Variants in LINGO2 observed in about 807,000 individuals in gnomAD.
The protein encoded by LINGO2 is leucine rich repeat and Ig domain containing 2, also known as leucine-rich repeat and immunoglobulin-like domain-containing nogo receptor-interacting protein 2.
LINGO2 carries 14 observed loss-of-function variants against 30.6 expected under a neutral mutation model. That is an observed-to-expected ratio of 0.46 (90% confidence interval 0.30 to 0.72). The LOEUF is 0.72. Among genes scored for constraint, LINGO2 ranks in the 30% least tolerant of loss-of-function variants. The pLI is 0.07. For missense variants in LINGO2, 729 were observed against 751.7 expected (o/e 0.97, Z 0.35); for synonymous variants, 317 against 288.5 (o/e 1.10, Z -1.00).
chr9:29,147,698 G>C, the LINGO2 span, among the ~76,000 whole-genome samples: 1 of 151,848 alleles, frequency 6.6e-6, no homozygotes, highest in Admixed American at 6.5e-5. Context: ...TTGATATTTA[G>C]AATATTAAAA....
chr9:29,159,036 G>C, the LINGO2 span, among the ~76,000 whole-genome samples: 6,479 of 152,090 alleles, frequency 0.043, 205 homozygotes, highest in Admixed American at 0.08. Context: ...ATCATCACAT[G>C]GGCTTGTTCG....
intron 3 of LINGO2, among the ~76,000 whole-genome samples, chr9:28,304,364 T>C (rs1195326311): frequency 1.3e-5 from 2 of 151,364 alleles, no homozygotes; most frequent in Non-Finnish European, 2.9e-5. Flanking sequence ...TACTGATTTA[T>C]AAATATATAC....
intron 4 of LINGO2, among the ~76,000 whole-genome samples, chr9:28,068,365 C>T (rs554412515): frequency 6.6e-6 from 1 of 152,180 alleles, no homozygotes; most frequent in African/African-American, 2.4e-5. Context: ...TCTTTGTGTG[C>T]ACATGGGGAG....
At chr9:28,403,169 G>A (rs564171411) in intron 2 of LINGO2, among the ~76,000 whole-genome samples, 3 of 152,070 alleles carry the variant, frequency 2.0e-5, no homozygotes, top group Admixed American at 6.6e-5. Context: ...GATTTGCCTC[G>A]TACTTTTCCC....
chr9:28,292,526 G>T (rs141950412), intron 4 of LINGO2, among the ~76,000 whole-genome samples: 1 of 151,614 alleles, frequency 6.6e-6, no homozygotes, highest in Non-Finnish European at 1.5e-5. Flanking sequence ...GCAATGGCTC[G>T]ATCTTGGCTC....
intron 1 of LINGO2, among the ~76,000 whole-genome samples, chr9:28,601,023 A>G (rs1159399363): frequency 6.6e-6 from 1 of 152,122 alleles, no homozygotes; most frequent in Non-Finnish European, 1.5e-5. Flanking sequence ...TTCTCTGTAA[A>G]CAGATCCCTT....
chr9:29,015,338 A>C, the LINGO2 span, among the ~76,000 whole-genome samples: 3 of 152,176 alleles, frequency 2.0e-5, no homozygotes, highest in East Asian at 5.8e-4. Flanking sequence ...CACATATATT[A>C]AATATATTTG....
intron 2 of LINGO2, among the ~76,000 whole-genome samples, chr9:28,404,926 G>GTGTGTGTGTGTGTGTGTGTT (rs1554717019): frequency 1.3e-5 from 2 of 150,932 alleles, no homozygotes; most frequent in African/African-American, 4.8e-5. Context: ...GTGTGTGTGT[G>GTGTGTGTGTGTGTGTGTGTT]TAAAATTCCA....
At chr9:29,205,126 C>T in the LINGO2 span, among the ~76,000 whole-genome samples, 35 of 152,176 alleles carry the variant, frequency 2.3e-4, no homozygotes, top group African/African-American at 5.8e-4. Flanking sequence ...CTGCAACCTC[C>T]GCCTCCTGGG....
At position 28,362,252 on chromosome 9, in the gene LINGO2, G is replaced by A. The variant is rs116079843; in HGVS notation, c.-246+10584C>T. Among the ~76,000 whole-genome samples the A allele has an allele frequency of 9.5e-3, 1,443 of 152,132 alleles. 27 individuals carry two copies. The highest frequency in any genetic ancestry group is 0.033 in the African/African-American group (1,378 of 41,502). ...TGTGCGCATGCGCATGTGTGTGCAC[G>A]TGTGTGTGTGCATGTGTGCGTGTTT... On this transcript the variant is annotated intron_variant, in intron 3 of 5. Transcript: ENST00000379992.
intron 4 of LINGO2, among the ~76,000 whole-genome samples, chr9:28,040,448 C>T (rs1460344225): frequency 8.0e-6 from 1 of 125,736 alleles, no homozygotes; most frequent in Non-Finnish European, 1.6e-5. Context: ...TTTTTTTGGA[C>T]AGGGATTCAC....
the LINGO2 span, among the ~76,000 whole-genome samples, chr9:28,931,736 T>C: frequency 6.6e-6 from 1 of 152,204 alleles, no homozygotes. Context: ...TAGTTTTCAA[T>C]GACTTCAAAT....
the LINGO2 span, among the ~76,000 whole-genome samples, chr9:28,748,798 GTA>G: frequency 6.6e-6 from 1 of 151,834 alleles, no homozygotes; most frequent in Admixed American, 6.6e-5. Context: ...TTTAGCAGAA[GTA>G]TAGACTAAAT....
At chr9:28,953,051 G>C in the LINGO2 span, among the ~76,000 whole-genome samples, 3 of 152,068 alleles carry the variant, frequency 2.0e-5, no homozygotes, top group Admixed American at 2.0e-4. Context: ...GCATCAACAT[G>C]GGATAAACAA....
chr9:28,055,797 C>T (rs1256845997), intron 4 of LINGO2, among the ~76,000 whole-genome samples: 3 of 152,080 alleles, frequency 2.0e-5, no homozygotes, highest in Admixed American at 1.3e-4. Context: ...CTATTTGAAG[C>T]CTATGGATAT....
intron 2 of LINGO2, among the ~76,000 whole-genome samples, chr9:28,377,414 C>G (rs1244119338): frequency 6.6e-6 from 1 of 152,144 alleles, no homozygotes; most frequent in Admixed American, 6.6e-5. Flanking sequence ...ATACAGCATA[C>G]AATACATATA....
At chr9:28,975,241 A>G in the LINGO2 span, among the ~76,000 whole-genome samples, 1 of 152,134 alleles carries the variant, frequency 6.6e-6, no homozygotes, top group Admixed American at 6.5e-5. Flanking sequence ...AGAGAAAAAA[A>G]ACCCCCATAA....
chr9:28,742,394 A>G, the LINGO2 span, among the ~76,000 whole-genome samples: 11 of 151,226 alleles, frequency 7.3e-5, no homozygotes, highest in African/African-American at 2.7e-4. Flanking sequence ...AGGAGGAATG[A>G]GTTGTGCAAA....
chr9:28,314,819 C>T (rs915239534), intron 3 of LINGO2, among the ~76,000 whole-genome samples: 1 of 151,772 alleles, frequency 6.6e-6, no homozygotes. Context: ...CCCGTCTCTA[C>T]TAAAAATACC....
Sources: gnomAD v4.1 joint callset for allele counts (sites outside exome capture counted in the v4.1 genomes callset) on GRCh38, gnomAD v4.1.1 for gene constraint, MANE v1.5 for transcripts, NCBI Gene and HGNC (gene_info 2026-07-23, HGNC 2026-07-21) for gene names.